The following SLC4A5 variants were observed in gnomAD, a reference collection of about 807,000 sequenced individuals.
The protein encoded by SLC4A5 is solute carrier family 4 member 5.
In SLC4A5, 96 loss-of-function variants were observed where a neutral mutation model predicts 120.4. That is an observed-to-expected ratio of 0.80 (90% CI 0.68 to 0.94). The LOEUF is 0.94. SLC4A5 is among the 40% of genes least tolerant of loss of function. The pLI, the probability that SLC4A5 is intolerant of heterozygous loss-of-function variation, is 0.00. For missense variants in SLC4A5, 1,259 were observed against 1,459.5 expected, an observed-to-expected ratio of 0.86 and a Z score of 2.24; for synonymous variants, 550 against 571.1, an observed-to-expected ratio of 0.96 and a Z score of 0.53.
chr2:74,261,149 G>A (rs1261008084), intron 11 of SLC4A5, among the ~76,000 whole-genome samples: 1 of 152,124 alleles, frequency 6.6e-6, no homozygotes, highest in African/African-American at 2.4e-5. Context: ...AATATGACCT[G>A]GTTCACACAA....
chr2:74,318,905 A>G (rs1478767681), intron 5 of SLC4A5, among the ~76,000 whole-genome samples: 1 of 152,202 alleles, frequency 6.6e-6, no homozygotes, highest in African/African-American at 2.4e-5. Flanking sequence ...CAGCACTTGT[A>G]TGTTTATTGC....
chr2:74,334,553 C>A (rs1173107669), intron 3 of SLC4A5, among the ~76,000 whole-genome samples: 1 of 152,164 alleles, frequency 6.6e-6, no homozygotes, highest in Non-Finnish European at 1.5e-5. Context: ...GTCTAAATGG[C>A]ATTTCTATCC....
chr2:74,331,998 A>G (rs1202565340), intron 4 of SLC4A5, among the ~76,000 whole-genome samples: 1 of 152,152 alleles, frequency 6.6e-6, no homozygotes, highest in Non-Finnish European at 1.5e-5. Context: ...GTTGTGGGAT[A>G]GGGGAGTCTT....
chr2:74,265,045 G>C, intron 9 of SLC4A5, 59 bp downstream of exon 9: 1 of 1,556,520 alleles, frequency 6.4e-7, no homozygotes, highest in Non-Finnish European at 8.7e-7. Flanking sequence ...TGAGGTCAGG[G>C]GAGCTGCCCT....
At chr2:74,242,782 A>G (rs767963670) in intron 19 of SLC4A5, among the ~76,000 whole-genome samples, 1 of 152,164 alleles carries the variant, frequency 6.6e-6, no homozygotes, top group Non-Finnish European at 1.5e-5. Flanking sequence ...CCTCCCGAGT[A>G]GCTGGGACTA....
At chr2:74,243,030 G>GC (rs1346824584) in intron 19 of SLC4A5, among the ~76,000 whole-genome samples, 2 of 152,220 alleles carry the variant, frequency 1.3e-5, no homozygotes, top group African/African-American at 4.8e-5. Context: ...TCTGCCAAAT[G>GC]CAAGTTGAGG....
chr2:74,341,730 C>T (rs1673631264), intron 2 of SLC4A5, among the ~76,000 whole-genome samples: 1 of 152,140 alleles, frequency 6.6e-6, no homozygotes, highest in African/African-American at 2.4e-5. Flanking sequence ...TCTAGGAAGT[C>T]CAATATAAAA....
intron 4 of SLC4A5, among the ~76,000 whole-genome samples, chr2:74,330,504 G>A (rs939814043): frequency 1.3e-5 from 2 of 148,208 alleles, no homozygotes; most frequent in Non-Finnish European, 3.0e-5. Flanking sequence ...GTGGTGGTGA[G>A]GTCTAGATGG....
Position 74,235,096 on chromosome 2 carries a change from C to A in SLC4A5, c.2433+5G>T. On this transcript the variant is annotated splice_donor_5th_base_variant and intron_variant, in intron 22 of 30. Transcript: ENST00000394019. ...GGATGCCCAGAGCGAGGGAAAGGGG[C>A]AAACCTTGATGACACTGGGCACATG... 1 of 1,612,462 alleles carries A rather than the reference C, an allele frequency of 6.2e-7. No homozygotes were observed. Among genetic ancestry groups the A allele is most frequent in the African/African-American group, 1.3e-5 (1 of 75,008 alleles).
rs1694544986 is a variant in SLC4A5, at chr2:74,219,220, TTTGTG to T, written c.*34-433_*34-429del. On this transcript the variant is annotated intron_variant, in intron 30 of 30. Coordinates refer to ENST00000394019, the Ensembl canonical transcript of SLC4A5. ...GTGTGTGTGTGTGTGTGTGTGTGTG[TTTGTG>T]TGTGTTTTCAAATGGTACTTCGGGC... 2.3e-4 allele frequency among the ~76,000 whole-genome samples: 23 copies of T among 99,578 alleles called. 1 individual carries two copies. The East Asian group carries it at 5.8e-3, about 25-fold the overall frequency. The allele number at this position is 99,578 out of a possible 152,430, so 65.3% of individuals were successfully genotyped here. A position where few individuals can be genotyped will look rare whatever the true frequency, so the allele number is the denominator to read the frequency against.
chr2:74,318,354 A>T (rs188791081), intron 5 of SLC4A5, among the ~76,000 whole-genome samples: 13 of 152,342 alleles, frequency 8.5e-5, no homozygotes, highest in Non-Finnish European at 1.6e-4. Flanking sequence ...TAAAACCACA[A>T]TGAGATACCA....
intron 7 of SLC4A5, among the ~76,000 whole-genome samples, chr2:74,287,197 A>C (rs1328966088): frequency 6.6e-6 from 1 of 151,966 alleles, no homozygotes; most frequent in Non-Finnish European, 1.5e-5. Context: ...TCTTTTCTTC[A>C]TCACATCCTC....
intron 5 of SLC4A5, chr2:74,319,274 C>T (rs1013554384): frequency 2.6e-5 from 4 of 152,056 alleles, no homozygotes; most frequent in African/African-American, 7.2e-5. Flanking sequence ...GTTCACTATT[C>T]GGGTGATGAG....
exon 6 of SLC4A5, chr2:74,315,004 T>C: frequency 6.2e-7 from 1 of 1,613,854 alleles, no homozygotes; most frequent in Non-Finnish European, 8.5e-7. Flanking sequence ...TACCCCAGCC[T>C]TCTCCTCCTT....
At chr2:74,232,486 G>A (rs538693660) in exon 24 of SLC4A5, 2 of 1,613,982 alleles carry the variant, frequency 1.2e-6, no homozygotes, top group Admixed American at 3.3e-5. Context: ...CCAGAAACTG[G>A]GGCTGCTCCC....
At chr2:74,273,914 A>G (rs951177671) in intron 8 of SLC4A5, among the ~76,000 whole-genome samples, 2 of 152,342 alleles carry the variant, frequency 1.3e-5, no homozygotes, top group African/African-American at 4.8e-5. Flanking sequence ...CTATAATCCC[A>G]GCACTTTGGG....
intron 19 of SLC4A5, among the ~76,000 whole-genome samples, chr2:74,243,274 G>C (rs10179817): frequency 0.021 from 3,120 of 152,194 alleles, 85 homozygotes; most frequent in African/African-American, 0.072. Flanking sequence ...TCCTTCCTTT[G>C]CTCCTCATTC....
chr2:74,292,531 C>G (rs930612585), intron 7 of SLC4A5, among the ~76,000 whole-genome samples: 2 of 152,212 alleles, frequency 1.3e-5, no homozygotes, highest in African/African-American at 4.8e-5. Context: ...CCCCTCTGTT[C>G]TATAGCTAAC....
chr2:74,333,206 C>T (rs989042526), intron 4 of SLC4A5, among the ~76,000 whole-genome samples: 2 of 152,160 alleles, frequency 1.3e-5, no homozygotes, highest in Admixed American at 6.5e-5. Context: ...ATGCTGCTAA[C>T]GTCCTACAAG....
Sources: gnomAD v4.1 joint callset for allele counts (sites outside exome capture counted in the v4.1 genomes callset) on GRCh38, gnomAD v4.1.1 for gene constraint, MANE v1.5 for transcripts, NCBI Gene and HGNC (gene_info 2026-07-23, HGNC 2026-07-21) for gene names.